The following SEMA3A variants were observed in gnomAD, a reference collection of about 807,000 sequenced individuals.
SEMA3A encodes the protein semaphorin-3A.
SEMA3A carries 29 observed loss-of-function variants against 97.9 expected under a neutral mutation model. That is an observed-to-expected ratio of 0.30 (90% CI 0.22 to 0.40). The LOEUF (loss-of-function observed/expected upper bound fraction) is 0.40, where lower values mean the gene tolerates loss of function less well. Among genes scored for constraint, SEMA3A ranks in the 10% least tolerant of loss-of-function variants. SEMA3A has a pLI of 1.00. For synonymous variants in SEMA3A, 321 were observed against 323.7 expected (o/e 0.99, Z 0.09); for missense variants, 763 against 951.3 (o/e 0.80, Z 2.60).
intron 6 of SEMA3A, among the ~76,000 whole-genome samples, chr7:84,033,941 T>G (rs1045093308): frequency 6.6e-6 from 1 of 152,124 alleles, no homozygotes; most frequent in African/African-American, 2.4e-5. Context: ...GTTTGTGAAC[T>G]ATGGCATGAT....
chr7:83,967,878 G>A (rs1161420295), intron 15 of SEMA3A, among the ~76,000 whole-genome samples: 1 of 152,110 alleles, frequency 6.6e-6, no homozygotes, highest in African/African-American at 2.4e-5. Flanking sequence ...ATTGTATAAT[G>A]ATCAAATCAG....
At chr7:84,353,810 T>C (rs889547585) in intron 2 of SEMA3A, among the ~76,000 whole-genome samples, 11 of 151,670 alleles carry the variant, frequency 7.3e-5, no homozygotes, top group Non-Finnish European at 1.2e-4. Context: ...TGGTAAAACA[T>C]GGAATCTAAC....
chr7:83,980,623 A>AAAAAAAAAAAAAAAAAATATAT (rs1310318006), intron 14 of SEMA3A, among the ~76,000 whole-genome samples: 5 of 71,750 alleles, frequency 7.0e-5, no homozygotes, highest in Non-Finnish European at 1.2e-4. Flanking sequence ...AAAAAAAAAA[A>AAAAAAAAAAAAAAAAAATATAT]ATATATATAT....
intron 1 of SEMA3A, among the ~76,000 whole-genome samples, chr7:84,388,008 G>C (rs1039150031): frequency 2.7e-5 from 4 of 146,040 alleles, no homozygotes; most frequent in African/African-American, 1.0e-4. Flanking sequence ...TCTAAACACA[G>C]ATATAGGATA....
In SEMA3A at chr7:84,351,321, T is replaced by C. The variant is rs187233180; in HGVS notation, c.-169+20503A>G. ...TCCTCCAAAGATGTCACACCTTGCG[T>C]AAGCCTTTGAAAAACATTGACAACA... is the stretch of plus-strand genomic sequence containing the variant. On this transcript the variant is annotated intron_variant, in intron 2 of 3. Coordinates refer to the SEMA3A transcript ENST00000424555. 5.1e-3 allele frequency among the ~76,000 whole-genome samples: 779 copies of C among 152,236 alleles called. 6 individuals are homozygous for C. The highest frequency in any genetic ancestry group is 8.1e-3 in the Non-Finnish European group (552 of 67,988).
chr7:84,120,438 T>C (rs1403752943), intron 3 of SEMA3A, among the ~76,000 whole-genome samples: 1 of 152,150 alleles, frequency 6.6e-6, no homozygotes. Context: ...ATACCAGGTA[T>C]AAAGCAAGCT....
At chr7:84,107,903 A>G (rs1334932114) in intron 4 of SEMA3A, among the ~76,000 whole-genome samples, 1 of 152,200 alleles carries the variant, frequency 6.6e-6, no homozygotes. Flanking sequence ...CCCGGCAGCC[A>G]TGAGAACCCA....
intron 3 of SEMA3A, among the ~76,000 whole-genome samples, chr7:84,117,063 T>C (rs1043684474): frequency 3.9e-5 from 6 of 152,152 alleles, no homozygotes; most frequent in African/African-American, 1.4e-4. Flanking sequence ...GAATTAGATA[T>C]TAAAAAGGAA....
chr7:84,265,539 T>TATG (rs1799972136), intron 3 of SEMA3A, among the ~76,000 whole-genome samples: 1 of 147,712 alleles, frequency 6.8e-6, no homozygotes, highest in Non-Finnish European at 1.5e-5. Flanking sequence ...ATATTATATA[T>TATG]TTTATATGTT....
chr7:84,425,839 T>C (rs1804808365), intron 1 of SEMA3A, among the ~76,000 whole-genome samples: 1 of 104,332 alleles, frequency 9.6e-6, no homozygotes, highest in Non-Finnish European at 1.9e-5. Context: ...ATATATAATA[T>C]ATAATGTTTA....
intron 3 of SEMA3A, among the ~76,000 whole-genome samples, chr7:84,245,338 T>C (rs1033724848): frequency 4.6e-5 from 7 of 152,104 alleles, no homozygotes; most frequent in African/African-American, 1.7e-4. Flanking sequence ...TTTCATTAAG[T>C]TGATCTTCAA....
chr7:84,341,509 G>T (rs1802166801), intron 2 of SEMA3A, among the ~76,000 whole-genome samples: 1 of 151,880 alleles, frequency 6.6e-6, no homozygotes, highest in African/African-American at 2.4e-5. Context: ...CATAAATCTA[G>T]TTGCCTGAAA....
rs142692671 is a variant in SEMA3A, at chr7:83,995,396, A to G, written c.1452+6559T>C. 7.2e-3 allele frequency among the ~76,000 whole-genome samples: 1,098 copies of G among 152,330 alleles called. 13 individuals are homozygous for G. Among genetic ancestry groups the G allele is most frequent in the African/African-American group, 0.025 (1,045 of 41,582 alleles). ...TGAAACATAAAAGAAACCCTAGTAC[A>G]TAACAGGCTCCACTGTGTCATATTA... is the stretch of plus-strand genomic sequence containing the variant. On this transcript the variant is annotated intron_variant, in intron 12 of 16. Coordinates refer to ENST00000265362, the MANE Select transcript of SEMA3A (RefSeq NM_006080.3).
At chr7:84,181,727 G>T (rs1358317203) in intron 1 of SEMA3A, among the ~76,000 whole-genome samples, 1 of 152,008 alleles carries the variant, frequency 6.6e-6, no homozygotes, top group Non-Finnish European at 1.5e-5. Flanking sequence ...TTGTGATGTG[G>T]TTATAATTTA....
intron 4 of SEMA3A, among the ~76,000 whole-genome samples, chr7:84,081,594 TAAAA>T (rs5885397): frequency 1.3e-4 from 15 of 113,970 alleles, no homozygotes; most frequent in Admixed American, 1.9e-4. Flanking sequence ...CTCCGTCTCT[TAAAA>T]AAAAAAAAAA....
At chr7:84,132,096 A>G (rs114102541) in intron 2 of SEMA3A, among the ~76,000 whole-genome samples, 1,913 of 152,280 alleles carry the variant, frequency 0.013, 41 homozygotes, top group African/African-American at 0.044. Flanking sequence ...TACAGGTGTG[A>G]GCCACCATAC....
intron 1 of SEMA3A, among the ~76,000 whole-genome samples, chr7:84,446,050 T>C (rs1805406756): frequency 6.6e-6 from 1 of 152,092 alleles, no homozygotes; most frequent in Non-Finnish European, 1.5e-5. Context: ...GAAATAAAAT[T>C]GATGAGAAGA....
chr7:84,374,942 C>T (rs1303195494), intron 1 of SEMA3A, among the ~76,000 whole-genome samples: 1 of 152,102 alleles, frequency 6.6e-6, no homozygotes, highest in Non-Finnish European at 1.5e-5. Flanking sequence ...ATCTGCAATC[C>T]TAGGGAGGAG....
At chr7:84,406,661 T>C (rs1018443937) in intron 1 of SEMA3A, among the ~76,000 whole-genome samples, 5 of 152,102 alleles carry the variant, frequency 3.3e-5, no homozygotes, top group African/African-American at 9.7e-5. Context: ...AATAAAATAC[T>C]GGCAAACTGA....
Sources: allele counts gnomAD v4.1 joint callset (sites outside exome capture counted in the v4.1 genomes callset), GRCh38; gene constraint gnomAD v4.1.1; transcripts MANE v1.5; gene names NCBI Gene and HGNC (gene_info 2026-07-23, HGNC 2026-07-21).